Variants in BCAS3 observed in about 807,000 individuals in gnomAD.
BCAS3 encodes BCAS4/BCAS3 fusion.
Under a neutral mutation model 116.1 loss-of-function variants are expected in BCAS3, and 53 were observed. That is an observed-to-expected ratio of 0.46 (90% confidence interval 0.37 to 0.57). The LOEUF (loss-of-function observed/expected upper bound fraction) is 0.57. Among genes scored for constraint, BCAS3 ranks in the 20% least tolerant of loss-of-function variants. The pLI is 0.00. For missense variants in BCAS3, 917 were observed against 1,165.4 expected, an observed-to-expected ratio of 0.79 and a Z score of 3.10; for synonymous variants, 391 against 408.2, an observed-to-expected ratio of 0.96 and a Z score of 0.51.
At chr17:61,351,061 T>C (rs1052067977) in intron 22 of BCAS3, among the ~76,000 whole-genome samples, 3 of 152,230 alleles carry the variant, frequency 2.0e-5, no homozygotes, top group African/African-American at 7.2e-5. Flanking sequence ...CAGATCTAAA[T>C]ATAGCAAAGG....
rs527535775 is a variant in BCAS3, at chr17:61,227,002, G to A, written c.2426-141325G>A. Among the ~76,000 whole-genome samples the A allele has an allele frequency of 2.4e-4, 37 of 152,326 alleles. No homozygotes were observed. The highest frequency in any genetic ancestry group is 8.9e-4 in the African/African-American group (37 of 41,584). On this transcript the variant is annotated intron_variant, in intron 22 of 23. Transcript: ENST00000407086. The surrounding 1 kb of genome is among the most constrained non-coding windows in gnomAD (Gnocchi z 6.1). Reference sequence around the variant, plus strand: ...CCTTCCTGATGGGACCCTCGAGGGAGGAGAGGATGGAGACTGGGAGAGGAG... The same window carrying A: ...CCTTCCTGATGGGACCCTCGAGGGAAGAGAGGATGGAGACTGGGAGAGGAG...
At chr17:60,763,839 G>C (rs1402085345) in intron 6 of BCAS3, among the ~76,000 whole-genome samples, 1 of 152,070 alleles carries the variant, frequency 6.6e-6, no homozygotes, top group East Asian at 1.9e-4. Flanking sequence ...ACTTTTTTTG[G>C]TTGGTAGGCT....
intron 22 of BCAS3, among the ~76,000 whole-genome samples, chr17:61,298,928 T>C (rs1434614846): frequency 6.6e-6 from 1 of 151,894 alleles, no homozygotes; most frequent in East Asian, 2.0e-4. Context: ...GTTCAAGCAG[T>C]TCTCCTGCCT....
chr17:60,814,351 C>G (rs2049168481), intron 7 of BCAS3, among the ~76,000 whole-genome samples: 1 of 151,220 alleles, frequency 6.6e-6, no homozygotes, highest in Admixed American at 6.6e-5. Context: ...TGATTTAGCT[C>G]TCAGTTTGGA....
intron 7 of BCAS3, among the ~76,000 whole-genome samples, chr17:60,832,016 G>C (rs1388085477): frequency 6.6e-6 from 1 of 152,178 alleles, no homozygotes; most frequent in African/African-American, 2.4e-5. Context: ...AACAGCTGCA[G>C]TGCATACTTC....
rs8069780 is a variant in BCAS3 at position 60,695,368 on chromosome 17, T to C, written c.214+5607T>C. Among the ~76,000 whole-genome samples, 288 of 152,332 alleles carry C rather than the reference T, an allele frequency of 1.9e-3. 3 individuals are homozygous for C. Among genetic ancestry groups the C allele is most frequent in the African/African-American group, 6.3e-3 (264 of 41,578 alleles). ...ACCTCGTGATCTGCCCACCTCGGCCTCCCAAAGTGTTGGGATTGCAGGTGT... is the reference window on the plus strand; with the variant it reads ...ACCTCGTGATCTGCCCACCTCGGCCCCCCAAAGTGTTGGGATTGCAGGTGT... On this transcript the variant is annotated intron_variant, in intron 4 of 23. Coordinates refer to ENST00000407086, the MANE Select transcript of BCAS3 (RefSeq NM_017679.5).
At chr17:60,796,827 GCT>G (rs760811486) in intron 6 of BCAS3, among the ~76,000 whole-genome samples, 2 of 152,084 alleles carry the variant, frequency 1.3e-5, no homozygotes, top group African/African-American at 2.4e-5. Context: ...GCTCTTTCAG[GCT>G]TTTTGATGTA....
chr17:61,009,556 G>A (rs1332066901), intron 15 of BCAS3, among the ~76,000 whole-genome samples: 1 of 151,818 alleles, frequency 6.6e-6, no homozygotes, highest in Non-Finnish European at 1.5e-5. Context: ...CTGATTTTAT[G>A]TCCTTTGGTT....
At chr17:60,930,118 ATATAAC>A (rs1330693713) in intron 13 of BCAS3, among the ~76,000 whole-genome samples, 1 of 152,182 alleles carries the variant, frequency 6.6e-6, no homozygotes, top group African/African-American at 2.4e-5. Context: ...TTTTTCCAAA[ATATAAC>A]TAATAGATCC....
intron 22 of BCAS3, among the ~76,000 whole-genome samples, chr17:61,190,919 T>TTA (rs201867997): frequency 0.021 from 3,256 of 152,198 alleles, 123 homozygotes; most frequent in African/African-American, 0.075. Context: ...AAAACTTTAT[T>TTA]AAGTAGCTGG....
intron 22 of BCAS3, among the ~76,000 whole-genome samples, chr17:61,247,508 A>T (rs189450698): frequency 3.9e-4 from 59 of 152,300 alleles, no homozygotes; most frequent in Admixed American, 2.2e-3. Context: ...CTAAAGATAG[A>T]AAGTAAAATA....
chr17:60,783,355 C>T (rs2045993116), intron 6 of BCAS3, among the ~76,000 whole-genome samples: 1 of 152,144 alleles, frequency 6.6e-6, no homozygotes, highest in Non-Finnish European at 1.5e-5. Flanking sequence ...CAGGTGCACA[C>T]CACCACATCA....
chr17:61,192,542 AT>A (rs1407458118), intron 22 of BCAS3, among the ~76,000 whole-genome samples: 1 of 152,204 alleles, frequency 6.6e-6, no homozygotes. Flanking sequence ...TAGACTTGTA[AT>A]TTGGTGACAA....
intron 6 of BCAS3, among the ~76,000 whole-genome samples, chr17:60,796,758 G>GTTTGGT (rs2047246657): frequency 6.6e-6 from 1 of 151,860 alleles, no homozygotes; most frequent in Non-Finnish European, 1.5e-5. Context: ...CTGGGTTTGG[G>GTTTGGT]TTTGGTTTGT....
chr17:60,861,223 A>G (rs571167734), intron 7 of BCAS3, among the ~76,000 whole-genome samples: 2 of 152,270 alleles, frequency 1.3e-5, no homozygotes, highest in African/African-American at 4.8e-5. Context: ...GGTTAGCAGT[A>G]TTCCTAGGGA....
chr17:60,684,870 A>ACT (rs2033785576), intron 3 of BCAS3, among the ~76,000 whole-genome samples: 1 of 152,136 alleles, frequency 6.6e-6, no homozygotes, highest in Non-Finnish European at 1.5e-5. Flanking sequence ...GCTTTATGAG[A>ACT]GGATCCTAGA....
intron 7 of BCAS3, among the ~76,000 whole-genome samples, chr17:60,846,489 GT>G (rs913613762): frequency 6.6e-6 from 1 of 152,076 alleles, no homozygotes; most frequent in Non-Finnish European, 1.5e-5. Context: ...GTTCTATATG[GT>G]TTTTTTGTCT....
chr17:60,933,114 C>T lies in BCAS3; in HGVS notation c.1087+8614C>T, dbSNP rs79586534. Among the ~76,000 whole-genome samples, 418 of 151,756 alleles carry T rather than the reference C, an allele frequency of 2.8e-3. 13 individuals carry two copies. In the East Asian group the frequency reaches 0.073, roughly 26 times the overall value. ...CGCTTGAGCCAGGAGGCAGAGGTTGCTGAGATGGTGCCACTGTACTCCAGC... is the reference window on the plus strand; with the variant it reads ...CGCTTGAGCCAGGAGGCAGAGGTTGTTGAGATGGTGCCACTGTACTCCAGC... On this transcript the variant is annotated intron_variant, in intron 13 of 23. Transcript: ENST00000407086.
chr17:60,776,335 A>G (rs1425511073), intron 6 of BCAS3, among the ~76,000 whole-genome samples: 1 of 152,228 alleles, frequency 6.6e-6, no homozygotes. Flanking sequence ...AAATGCCAGT[A>G]TAATATCTCA....
Sources: allele counts gnomAD v4.1 joint callset (sites outside exome capture counted in the v4.1 genomes callset), GRCh38; gene constraint gnomAD v4.1.1; non-coding constraint Gnocchi (gnomAD v3.1); transcripts MANE v1.5; gene names NCBI Gene and HGNC (gene_info 2026-07-23, HGNC 2026-07-21).